ABCC9: variants seen among roughly 807,000 people sequenced by gnomAD.
ABCC9 encodes the protein ATP binding cassette subfamily C member 9, also known as ATP-binding cassette sub-family C member 9.
A neutral mutation model predicts 188.3 loss-of-function variants in ABCC9; 95 were observed. The observed-to-expected ratio is 0.50, with a 90% CI of 0.43 to 0.60. The LOEUF is 0.60. ABCC9 is among the 20% of genes least tolerant of loss of function. The pLI is 0.00. For synonymous variants in ABCC9, 659 were observed against 652.7 expected, an observed-to-expected ratio of 1.01 and a Z score of -0.15; for missense variants, 1,102 against 1,876.3, an observed-to-expected ratio of 0.59 and a Z score of 7.62.
intron 36 of ABCC9, among the ~76,000 whole-genome samples, chr12:21,811,240 C>T (rs1942216537): frequency 6.6e-6 from 1 of 152,140 alleles, no homozygotes; most frequent in Non-Finnish European, 1.5e-5. Flanking sequence ...TGCCTTCCGC[C>T]ATGATTGTAA....
chr12:21,919,997 C>T (rs1160662405), intron 5 of ABCC9, among the ~76,000 whole-genome samples: 1 of 151,922 alleles, frequency 6.6e-6, no homozygotes, highest in Non-Finnish European at 1.5e-5. Context: ...TACAATTTTC[C>T]TAATGGATAC....
At chr12:21,844,641 G>A in intron 27 of ABCC9, 89 bp from the exon 28 acceptor site, 1 of 1,553,428 alleles carries the variant, frequency 6.4e-7, no homozygotes, top group Non-Finnish European at 8.9e-7. Context: ...TCATGAAAAT[G>A]AGAAGCTCCC....
intron 11 of ABCC9, among the ~76,000 whole-genome samples, chr12:21,906,509 A>G (rs1156369269): frequency 6.6e-6 from 1 of 152,080 alleles, no homozygotes; most frequent in Non-Finnish European, 1.5e-5. Flanking sequence ...ACCTAAAAAC[A>G]TGTATGTCTC....
intron 30 of ABCC9, among the ~76,000 whole-genome samples, chr12:21,834,675 G>T (rs1185802374): frequency 6.6e-6 from 1 of 151,932 alleles, no homozygotes; most frequent in African/African-American, 2.4e-5. Context: ...GGAATCGAAT[G>T]TGTCTTTTTC....
At position 21,872,624 on chromosome 12, in the gene ABCC9, C is replaced by T. The variant is rs1396851699; in HGVS notation, c.2198+1G>A. ...TGGAAGCCAACTAAAAATATACATA[C>T]TTGCTCCAGTGAACTTTTCCTTCCA... On this transcript the variant is annotated splice_donor_variant, in intron 18 of 39. Transcript: ENST00000261200. LOFTEE classifies it high-confidence loss of function. 2 of 1,610,280 alleles carry T rather than the reference C, an allele frequency of 1.2e-6. No homozygotes were observed. The highest frequency in any genetic ancestry group is 1.7e-6 in the Non-Finnish European group (2 of 1,176,644).
At chr12:21,845,547 A>C in intron 26 of ABCC9, 56 bp downstream of exon 26, 1 of 1,364,568 alleles carries the variant, frequency 7.3e-7, no homozygotes, top group South Asian at 1.2e-5. Context: ...AGAAGGTATC[A>C]CTGTTAATCT....
chr12:21,925,631 A>C, intron 5 of ABCC9: 1 of 655,100 alleles, frequency 1.5e-6, no homozygotes, highest in South Asian at 1.7e-5. Flanking sequence ...TTCTTAAAAT[A>C]CAACTTCTGC....
chr12:21,895,670 C>CAGAT (rs1947367493), intron 12 of ABCC9, among the ~76,000 whole-genome samples: 2 of 152,180 alleles, frequency 1.3e-5, no homozygotes, highest in Admixed American at 1.3e-4. Context: ...GTTTAGTCCA[C>CAGAT]TAAACTAATT....
intron 5 of ABCC9, chr12:21,923,224 A>G (rs1290475658): frequency 6.6e-6 from 1 of 151,632 alleles, no homozygotes; most frequent in African/African-American, 2.4e-5. Flanking sequence ...ACATATTTAG[A>G]GGGAAGACAA....
chr12:21,848,473 A>G (rs1944799598), intron 24 of ABCC9, among the ~76,000 whole-genome samples: 1 of 152,200 alleles, frequency 6.6e-6, no homozygotes, highest in African/African-American at 2.4e-5. Flanking sequence ...ACACGAGACC[A>G]GGAAAAGCAA....
In ABCC9 at chr12:21,799,601, G is replaced by A. The variant is rs552770923; in HGVS notation, c.*1443C>T. 1.8e-4 allele frequency: 28 copies of A among 152,212 alleles called. No individual in the cohort carries two copies. The highest frequency in any genetic ancestry group is 6.0e-4 in the African/African-American group (25 of 41,544). 9.4% of individuals were successfully genotyped at this position (152,212 alleles called of 1,614,324 possible). On this transcript the variant is annotated 3_prime_UTR_variant, in exon 40 of 40. Coordinates refer to ENST00000261200, the MANE Select transcript of ABCC9 (RefSeq NM_020297.4). The stretch of plus-strand genomic sequence containing the variant: ...TGTAAATATAAAGATTAAATATTCA[G>A]GTGAAGACACATATTCTGGATACAC...
intron 16 of ABCC9, among the ~76,000 whole-genome samples, chr12:21,877,151 C>T (rs1946398562): frequency 6.6e-6 from 1 of 152,130 alleles, no homozygotes; most frequent in South Asian, 2.1e-4. Flanking sequence ...AATGCATCCT[C>T]CCTGCTCTCT....
intron 31 of ABCC9, among the ~76,000 whole-genome samples, chr12:21,819,355 T>C (rs549759793): frequency 1.4e-4 from 21 of 152,322 alleles, no homozygotes; most frequent in African/African-American, 4.8e-4. Flanking sequence ...AACACATTAA[T>C]GACAGTAATG....
Position 21,829,535 on chromosome 12 carries a change from G to A in ABCC9, c.3567-475C>T, listed in dbSNP as rs181825603. Among the ~76,000 whole-genome samples the A allele has an allele frequency of 2.0e-5, 3 of 152,298 alleles. No individual in the cohort carries two copies. In the East Asian group the frequency reaches 5.8e-4, roughly 30 times the overall value. ...GACTTCTACTTCAAAATAAAGACCA[G>A]CTACTACTGCTCTTTGCATTCTTAG... On this transcript the variant is annotated intron_variant, in intron 30 of 39. Transcript: ENST00000261200.
At chr12:21,875,793 A>T (rs1263852434) in intron 16 of ABCC9, 67 bp from the exon 17 acceptor site, 10 of 1,376,102 alleles carry the variant, frequency 7.3e-6, no homozygotes, top group Non-Finnish European at 1.0e-5. Flanking sequence ...AATTAAAATA[A>T]TAATTTGTAG....
At chr12:21,811,215 G>C (rs115309772) in intron 36 of ABCC9, among the ~76,000 whole-genome samples, 8 of 152,076 alleles carry the variant, frequency 5.3e-5, no homozygotes, top group African/African-American at 1.9e-4. Context: ...GAGAAGATGT[G>C]CCTTGCTTCC....
At chr12:21,842,168 C>G (rs899922839) in intron 29 of ABCC9, 146 bp downstream of exon 29, 2 of 932,050 alleles carry the variant, frequency 2.1e-6, no homozygotes, top group Non-Finnish European at 3.3e-6. Flanking sequence ...GTACTCGGCA[C>G]ATGACAAATT....
At chr12:21,829,525 A>G (rs1434395847) in intron 30 of ABCC9, among the ~76,000 whole-genome samples, 1 of 152,216 alleles carries the variant, frequency 6.6e-6, no homozygotes, top group Non-Finnish European at 1.5e-5. Context: ...CTACTTCAAA[A>G]TAAAGACCAG....
chr12:21,936,504 G>C, intron 3 of ABCC9, 29 bp downstream of exon 3: 1 of 1,574,082 alleles, frequency 6.4e-7, no homozygotes, highest in South Asian at 1.1e-5. Context: ...AACATCAAAT[G>C]GTATAACATA....
Sources: gnomAD v4.1 joint callset for allele counts (sites outside exome capture counted in the v4.1 genomes callset) on GRCh38, gnomAD v4.1.1 for gene constraint, MANE v1.5 for transcripts, NCBI Gene and HGNC (gene_info 2026-07-23, HGNC 2026-07-21) for gene names.